RHOT1: variants seen among roughly 807,000 people sequenced by gnomAD.
The protein encoded by RHOT1 is ras homolog family member T1.
In RHOT1, 27 loss-of-function variants were observed where a neutral mutation model predicts 95.3. That is an observed-to-expected ratio of 0.28 (90% CI 0.21 to 0.39). The LOEUF is 0.39. Among genes scored for constraint, RHOT1 ranks in the 10% least tolerant of loss-of-function variants. The pLI, the probability that RHOT1 is intolerant of heterozygous loss-of-function variation, is 1.00. For missense variants in RHOT1, 578 were observed against 786.7 expected, an observed-to-expected ratio of 0.73 and a Z score of 3.17; for synonymous variants, 227 against 263.5, an observed-to-expected ratio of 0.86 and a Z score of 1.34.
intron 14 of RHOT1, among the ~76,000 whole-genome samples, chr17:32,202,153 GC>G (rs1390266846): frequency 7.2e-5 from 11 of 152,106 alleles, no homozygotes; most frequent in Non-Finnish European, 1.2e-4. Context: ...CTTGTGATCT[GC>G]CCCTGTTGGC....
chr17:32,213,669 T>C (rs1316404077), intron 19 of RHOT1, among the ~76,000 whole-genome samples: 1 of 152,206 alleles, frequency 6.6e-6, no homozygotes, highest in African/African-American at 2.4e-5. Context: ...TTTGGTGAAC[T>C]CACCTTGGCT....
chr17:32,161,679 A>T (rs1278276564), intron 1 of RHOT1, among the ~76,000 whole-genome samples: 1 of 152,232 alleles, frequency 6.6e-6, no homozygotes, highest in Non-Finnish European at 1.5e-5. Context: ...GGTTAGAAGC[A>T]AGATGGAGTC....
chr17:32,204,783 T>G (rs2037586108), intron 16 of RHOT1, among the ~76,000 whole-genome samples: 1 of 151,636 alleles, frequency 6.6e-6, no homozygotes, highest in South Asian at 2.1e-4. Flanking sequence ...AGGTCAGGAG[T>G]TCGAGACCAG....
chr17:32,223,258 G>A (rs1371803175), intron 19 of RHOT1, among the ~76,000 whole-genome samples: 1 of 151,948 alleles, frequency 6.6e-6, no homozygotes, highest in African/African-American at 2.4e-5. Flanking sequence ...GTAGTTTTGT[G>A]CAGTTTGAAT....
chr17:32,193,739 G>T (rs933624599), intron 10 of RHOT1, among the ~76,000 whole-genome samples: 4 of 152,208 alleles, frequency 2.6e-5, no homozygotes, highest in Admixed American at 2.0e-4. Flanking sequence ...GTGCATGTCA[G>T]TATATTCCTT....
intron 19 of RHOT1, among the ~76,000 whole-genome samples, chr17:32,222,009 A>G (rs1453456026): frequency 1.3e-5 from 2 of 152,232 alleles, no homozygotes. Context: ...TCTATGAGAA[A>G]TCATTTTGAT....
At chr17:32,198,425 T>C (rs1342883318) in intron 11 of RHOT1, among the ~76,000 whole-genome samples, 3 of 152,276 alleles carry the variant, frequency 2.0e-5, no homozygotes, top group Admixed American at 2.0e-4. Context: ...TTTAAGAAAA[T>C]GGGCCTGCTA....
intron 1 of RHOT1, among the ~76,000 whole-genome samples, chr17:32,145,166 A>G (rs932170703): frequency 2.2e-4 from 33 of 151,592 alleles, no homozygotes; most frequent in Admixed American, 4.6e-4. Context: ...CAGCTGTGGC[A>G]GCACGCACCT....
intron 8 of RHOT1, among the ~76,000 whole-genome samples, chr17:32,184,761 C>G (rs1446056489): frequency 6.6e-6 from 1 of 152,068 alleles, no homozygotes; most frequent in Non-Finnish European, 1.5e-5. Context: ...ACCTCTGCCT[C>G]CAAGAGTGCT....
intron 19 of RHOT1, 85 bp downstream of exon 19, chr17:32,211,323 C>G (rs550720760): frequency 1.6e-6 from 2 of 1,277,540 alleles, no homozygotes; most frequent in Non-Finnish European, 2.1e-6. Context: ...TACAGATACT[C>G]ACTACAAAGA....
At chr17:32,151,773 A>G (rs1378907098) in intron 1 of RHOT1, among the ~76,000 whole-genome samples, 1 of 150,426 alleles carries the variant, frequency 6.6e-6, no homozygotes, top group Non-Finnish European at 1.5e-5. Context: ...TCCCAGCTAC[A>G]TTGGAGGCTG....
intron 19 of RHOT1, among the ~76,000 whole-genome samples, chr17:32,223,671 T>TC (rs11451733): frequency 0.045 from 6,835 of 152,160 alleles, 513 homozygotes; most frequent in African/African-American, 0.16. Flanking sequence ...CGCCTCAGCC[T>TC]CCGAAGTGCT....
rs375579473 is a variant in RHOT1 at position 32,224,746 on chromosome 17, T to C, written c.*13T>C. The C allele has an allele frequency of 2.0e-6, 3 of 1,481,616 alleles. No homozygotes were observed. Among genetic ancestry groups the C allele is most frequent in the African/African-American group, 1.4e-5 (1 of 72,184 alleles). 91.8% of individuals were successfully genotyped at this position (1,481,616 alleles called of 1,614,324 possible). A position where few individuals can be genotyped will look rare whatever the true frequency, so the allele number is the denominator to read the frequency against. ...GAAACAGCGATGATATAAAAAGAAA[T>C]ACTGTCCCTACCAAAAACAAATACT... On this transcript the variant is annotated 3_prime_UTR_variant, in exon 20 of 20. Coordinates refer to ENST00000545287, the MANE Select transcript of RHOT1 (RefSeq NM_001033566.3).
rs926281913 is a variant in RHOT1, at chr17:32,177,017, C to T, written c.329+804C>T. ...CTGGTTCTAAACATATGACTATGGTCATTAACCCTCTGTCTTACATATTTT... is the reference window on the plus strand; with the variant it reads ...CTGGTTCTAAACATATGACTATGGTTATTAACCCTCTGTCTTACATATTTT... On this transcript the variant is annotated intron_variant, in intron 6 of 19. Coordinates refer to ENST00000545287, the MANE Select transcript of RHOT1 (RefSeq NM_001033566.3). Among the ~76,000 whole-genome samples, 10 of 152,154 alleles carry T rather than the reference C, an allele frequency of 6.6e-5. No individual in the cohort carries two copies. The East Asian group carries it at 9.6e-4, about 15-fold the overall frequency.
intron 1 of RHOT1, among the ~76,000 whole-genome samples, chr17:32,164,015 CGTG>C (rs2033817067): frequency 6.6e-6 from 1 of 151,330 alleles, no homozygotes; most frequent in Admixed American, 6.6e-5. Context: ...ATTAGCCAGA[CGTG>C]GTGGTGTGCA....
intron 1 of RHOT1, among the ~76,000 whole-genome samples, chr17:32,148,930 G>T (rs1362141201): frequency 6.6e-6 from 1 of 152,160 alleles, no homozygotes; most frequent in Non-Finnish European, 1.5e-5. Flanking sequence ...GATAAATCTG[G>T]ATAATTTGTT....
intron 7 of RHOT1, 34 bp from the exon 8 acceptor site, chr17:32,183,137 A>G (rs2035772513): frequency 1.7e-5 from 26 of 1,500,472 alleles, no homozygotes; most frequent in Non-Finnish European, 2.2e-5. Flanking sequence ...AGCTCTCATA[A>G]TTGATTTCAG....
At chr17:32,160,153 A>T (rs2033400125) in intron 1 of RHOT1, 1 of 151,950 alleles carries the variant, frequency 6.6e-6, no homozygotes. Context: ...CTCTCCTGAG[A>T]ACTGAAGAGA....
At chr17:32,200,918 T>C in intron 13 of RHOT1, 38 bp from the exon 14 acceptor site, 1 of 1,451,396 alleles carries the variant, frequency 6.9e-7, no homozygotes, top group Middle Eastern at 1.8e-4. Flanking sequence ...AATATTCGTT[T>C]AGGAACTTTT....
Sources: gnomAD v4.1 joint callset for allele counts (sites outside exome capture counted in the v4.1 genomes callset) on GRCh38, gnomAD v4.1.1 for gene constraint, MANE v1.5 for transcripts, NCBI Gene and HGNC (gene_info 2026-07-23, HGNC 2026-07-21) for gene names.